Variants in NCKAP5 observed in about 807,000 individuals in gnomAD.
NCKAP5 encodes the protein NCK associated protein 5.
In NCKAP5, 92 loss-of-function variants were observed where a neutral mutation model predicts 167.0. The ratio of observed to expected loss-of-function variants is 0.55; its 90% CI spans 0.47 to 0.66. The LOEUF (loss-of-function observed/expected upper bound fraction) is 0.66, where lower values mean the gene tolerates loss of function less well. NCKAP5 is among the 30% of genes least tolerant of loss of function. The pLI, the probability that NCKAP5 is intolerant of heterozygous loss-of-function variation, is 0.00. For missense variants in NCKAP5, 2,378 were observed against 2,315.0 expected (o/e 1.03, Z -0.56); for synonymous variants, 891 against 877.4 (o/e 1.02, Z -0.27).
chr2:133,672,830 C>A, the NCKAP5 span, among the ~76,000 whole-genome samples: 11 of 152,172 alleles, frequency 7.2e-5, no homozygotes, highest in Non-Finnish European at 1.6e-4. Flanking sequence ...GACTTTAAAG[C>A]CAACAAAACC....
At chr2:133,236,132 G>GT (rs2087408786) in intron 4 of NCKAP5, among the ~76,000 whole-genome samples, 4 of 139,962 alleles carry the variant, frequency 2.9e-5, no homozygotes, top group Admixed American at 2.9e-4. Flanking sequence ...AAATGTATGT[G>GT]TTAGACAAGC....
At chr2:132,959,088 A>T (rs1407265645) in intron 8 of NCKAP5, among the ~76,000 whole-genome samples, 2 of 147,090 alleles carry the variant, frequency 1.4e-5, no homozygotes, top group Non-Finnish European at 3.0e-5. Context: ...ATTAATAAAT[A>T]TATTATTAAT....
chr2:133,387,361 T>C (rs959195595), intron 3 of NCKAP5, among the ~76,000 whole-genome samples: 6 of 152,240 alleles, frequency 3.9e-5, no homozygotes, highest in Admixed American at 2.6e-4. Context: ...TTTAAGAATG[T>C]TGAATATTGG....
intron 2 of NCKAP5, among the ~76,000 whole-genome samples, chr2:133,528,782 C>CCGGCCCCCTCTTCACCTACCCAT (rs1685122252): frequency 6.6e-6 from 1 of 152,156 alleles, no homozygotes; most frequent in Non-Finnish European, 1.5e-5. Context: ...TGATGCCTTC[C>CCGGCCCCCTCTTCACCTACCCAT]CGGCCCCCTC....
At chr2:133,419,503 A>G (rs1342455341) in intron 3 of NCKAP5, among the ~76,000 whole-genome samples, 1 of 152,218 alleles carries the variant, frequency 6.6e-6, no homozygotes, top group Non-Finnish European at 1.5e-5. Flanking sequence ...CATGGAACAT[A>G]ATTATAAGTA....
At chr2:132,974,643 T>G (rs1476162983) in intron 7 of NCKAP5, among the ~76,000 whole-genome samples, 1 of 152,204 alleles carries the variant, frequency 6.6e-6, no homozygotes, top group Admixed American at 6.5e-5. Flanking sequence ...TTGACATGCA[T>G]GTACAGATCT....
chr2:133,321,696 G>A (rs1465059116), intron 3 of NCKAP5, among the ~76,000 whole-genome samples: 1 of 152,178 alleles, frequency 6.6e-6, no homozygotes, highest in African/African-American at 2.4e-5. Context: ...GAGGCTGGCT[G>A]TTAAAAGTAC....
At position 133,490,247 on chromosome 2, in the gene NCKAP5, A is replaced by G. The variant is rs150184403; in HGVS notation, c.69+27211T>C. 3.6e-3 allele frequency among the ~76,000 whole-genome samples: 552 copies of G among 152,298 alleles called. 5 individuals carry two copies. Among genetic ancestry groups the G allele is most frequent in the African/African-American group, 0.012 (515 of 41,572 alleles). ...ACCCTCACTCTCATTTCCTGAGTGG[A>G]GTCTGGTCCCCAGCCAGGCCAAGTG... On this transcript the variant is annotated intron_variant, in intron 3 of 19. Transcript: ENST00000409261.
Position 132,672,811 on chromosome 2 carries a change from C to T in NCKAP5, c.*478G>A, listed in dbSNP as rs751206511. Reference sequence around the variant, plus strand: ...GGATTCTGTATCATAGATGTGTTTACGCTTAATCCTCTTGAAACACAATAA... The same window carrying T: ...GGATTCTGTATCATAGATGTGTTTATGCTTAATCCTCTTGAAACACAATAA... On this transcript the variant is annotated 3_prime_UTR_variant, in exon 20 of 20. Transcript: ENST00000409261. The T allele has an allele frequency of 5.7e-5, 17 of 295,784 alleles. No homozygotes were observed. The highest frequency in any genetic ancestry group is 6.9e-5 in the African/African-American group (3 of 43,786). The allele number at this position is 295,784 out of a possible 1,614,324, so 18.3% of individuals were successfully genotyped here. A position where few individuals can be genotyped will look rare whatever the true frequency, so the allele number is the denominator to read the frequency against.
chr2:133,194,066 A>G (rs1285413973), intron 5 of NCKAP5, among the ~76,000 whole-genome samples: 2 of 152,164 alleles, frequency 1.3e-5, no homozygotes, highest in Non-Finnish European at 2.9e-5. Flanking sequence ...ATACATGCAT[A>G]TACATATACA....
At chr2:133,576,963 A>G in the NCKAP5 span, among the ~76,000 whole-genome samples, 75 of 152,330 alleles carry the variant, frequency 4.9e-4, no homozygotes, top group African/African-American at 1.7e-3. Flanking sequence ...AGTGATTGGA[A>G]CATGCTCTCC....
chr2:133,046,816 G>A (rs1168596965), intron 6 of NCKAP5, among the ~76,000 whole-genome samples: 1 of 152,152 alleles, frequency 6.6e-6, no homozygotes, highest in Non-Finnish European at 1.5e-5. Flanking sequence ...TGTCTAGAAA[G>A]GAAAAGATTA....
intron 1 of NCKAP5, among the ~76,000 whole-genome samples, chr2:133,565,237 CTTT>C (rs1423985471): frequency 6.6e-6 from 1 of 152,174 alleles, no homozygotes; most frequent in African/African-American, 2.4e-5. Flanking sequence ...ATCTGAGGAA[CTTT>C]TTAACCATGG....
chr2:133,414,030 T>A (rs1180797437), intron 3 of NCKAP5, among the ~76,000 whole-genome samples: 1 of 152,156 alleles, frequency 6.6e-6, no homozygotes, highest in East Asian at 1.9e-4. Flanking sequence ...GCCTTGCACA[T>A]AATAGGTATC....
At position 132,840,932 on chromosome 2, in the gene NCKAP5, T is replaced by C. The variant is rs113022458; in HGVS notation, c.807+19560A>G. Among the ~76,000 whole-genome samples, 340 of 152,274 alleles carry C rather than the reference T, an allele frequency of 2.2e-3. 2 individuals carry two copies. The highest frequency in any genetic ancestry group is 7.6e-3 in the African/African-American group (317 of 41,568). ...AAAAATCTGTGTATAATTGGACCCATGCATTTCAAGCCCATATTGTTCAAG... is the reference window on the plus strand; with the variant it reads ...AAAAATCTGTGTATAATTGGACCCACGCATTTCAAGCCCATATTGTTCAAG... On this transcript the variant is annotated intron_variant, in intron 11 of 19. Coordinates refer to ENST00000409261, the MANE Select transcript of NCKAP5 (RefSeq NM_207363.3).
chr2:133,626,588 C>T, the NCKAP5 span, among the ~76,000 whole-genome samples: 2 of 151,794 alleles, frequency 1.3e-5, no homozygotes, highest in African/African-American at 4.8e-5. Flanking sequence ...GACACAATTG[C>T]AAAAATTTTA....
chr2:133,181,072 A>G (rs2150035029), intron 5 of NCKAP5, among the ~76,000 whole-genome samples: 1 of 152,238 alleles, frequency 6.6e-6, no homozygotes, highest in South Asian at 2.1e-4. Flanking sequence ...AAATATAAAT[A>G]AATATAATGG....
intron 3 of NCKAP5, among the ~76,000 whole-genome samples, chr2:133,319,632 G>T (rs892200059): frequency 6.6e-6 from 1 of 152,116 alleles, no homozygotes; most frequent in Non-Finnish European, 1.5e-5. Context: ...GGATAGCAAC[G>T]CAGACAGTTC....
chr2:132,676,209 A>G (rs749350196), intron 19 of NCKAP5, among the ~76,000 whole-genome samples: 9 of 152,004 alleles, frequency 5.9e-5, no homozygotes, highest in African/African-American at 1.9e-4. Context: ...AGAAAATAAC[A>G]AAATACCCAG....
Sources: allele counts gnomAD v4.1 joint callset (sites outside exome capture counted in the v4.1 genomes callset), GRCh38; gene constraint gnomAD v4.1.1; transcripts MANE v1.5; gene names NCBI Gene and HGNC (gene_info 2026-07-23, HGNC 2026-07-21).